Variants in MYO5B observed in about 807,000 individuals in gnomAD.
MYO5B encodes unconventional myosin-Vb.
MYO5B carries 143 observed loss-of-function variants against 229.3 expected under a neutral mutation model. That is an observed-to-expected ratio of 0.62 (90% CI 0.54 to 0.72). MYO5B has a LOEUF of 0.72. MYO5B is among the 30% of genes least tolerant of loss of function. MYO5B has a pLI of 0.00. For missense variants in MYO5B, 2,321 were observed against 2,331.0 expected (o/e 1.00, Z 0.09); for synonymous variants, 918 against 885.2 (o/e 1.04, Z -0.66).
chr18:49,950,240 G>C (rs1442053910), intron 14 of MYO5B, among the ~76,000 whole-genome samples: 1 of 152,280 alleles, frequency 6.6e-6, no homozygotes, highest in East Asian at 1.9e-4. Flanking sequence ...GGACAGGGGT[G>C]GCAAAAAGGT....
chr18:50,047,475 C>G (rs1954321825), intron 2 of MYO5B, among the ~76,000 whole-genome samples: 1 of 152,110 alleles, frequency 6.6e-6, no homozygotes, highest in Admixed American at 6.5e-5. Flanking sequence ...AATAGAAACA[C>G]TTTTACACTG....
intron 4 of MYO5B, among the ~76,000 whole-genome samples, chr18:50,006,839 G>A (rs1468766066): frequency 6.6e-6 from 1 of 152,164 alleles, no homozygotes; most frequent in African/African-American, 2.4e-5. Context: ...AGGGAGCTCT[G>A]TTTTGAGAAA....
intron 22 of MYO5B, among the ~76,000 whole-genome samples, chr18:49,885,654 A>G (rs2024634090): frequency 6.6e-6 from 1 of 152,162 alleles, no homozygotes; most frequent in South Asian, 2.1e-4. Flanking sequence ...CAAGGCACCA[A>G]GAGGTGAGTT....
At chr18:49,964,824 A>C (rs543219967) in intron 10 of MYO5B, among the ~76,000 whole-genome samples, 1 of 152,186 alleles carries the variant, frequency 6.6e-6, no homozygotes, top group African/African-American at 2.4e-5. Context: ...CAATGTGTGC[A>C]ATATGGCCCA....
chr18:50,178,982 A>AG (rs2033035071), intron 1 of MYO5B, among the ~76,000 whole-genome samples: 2 of 152,060 alleles, frequency 1.3e-5, no homozygotes, highest in Admixed American at 6.5e-5. Context: ...AAGCAACTGG[A>AG]GGGGAAAAAA....
chr18:50,133,072 T>G (rs2032278894), intron 1 of MYO5B, among the ~76,000 whole-genome samples: 1 of 152,228 alleles, frequency 6.6e-6, no homozygotes, highest in Non-Finnish European at 1.5e-5. Flanking sequence ...CAGTCTATGC[T>G]GCTGAGGGCA....
chr18:50,044,218 G>T (rs2030155610), intron 2 of MYO5B, among the ~76,000 whole-genome samples: 1 of 152,186 alleles, frequency 6.6e-6, no homozygotes, highest in Non-Finnish European at 1.5e-5. Flanking sequence ...ATTCTTGGAT[G>T]TGTGGACGTC....
chr18:50,140,188 A>T (rs1385080654), intron 1 of MYO5B, among the ~76,000 whole-genome samples: 1 of 152,260 alleles, frequency 6.6e-6, no homozygotes, highest in East Asian at 1.9e-4. Context: ...TTGGTTCTAG[A>T]TACCACATCT....
chr18:50,003,061 C>T (rs1344344896), intron 4 of MYO5B, among the ~76,000 whole-genome samples: 8 of 152,174 alleles, frequency 5.3e-5, no homozygotes, highest in South Asian at 2.1e-4. Context: ...CAATTAGAGA[C>T]GGCCTAGACA....
intron 27 of MYO5B, among the ~76,000 whole-genome samples, chr18:49,870,035 G>A (rs2024440063): frequency 6.6e-6 from 1 of 152,256 alleles, no homozygotes; most frequent in South Asian, 2.1e-4. Context: ...AGGTTAGCAT[G>A]CAGAAGTCCC....
At chr18:50,035,398 G>T (rs1213684198) in intron 4 of MYO5B, among the ~76,000 whole-genome samples, 1 of 152,194 alleles carries the variant, frequency 6.6e-6, no homozygotes, top group East Asian at 1.9e-4. Context: ...GAACCATAAA[G>T]AAACCATCTT....
At chr18:50,143,057 T>C (rs2032442257) in intron 1 of MYO5B, among the ~76,000 whole-genome samples, 1 of 152,238 alleles carries the variant, frequency 6.6e-6, no homozygotes, top group Non-Finnish European at 1.5e-5. Context: ...ATGTGGTAAT[T>C]ACATTGTCAA....
chr18:49,990,596 G>A (rs1032772307), intron 6 of MYO5B, 76 bp from the exon 7 acceptor site: 1 of 1,262,224 alleles, frequency 7.9e-7, no homozygotes, highest in African/African-American at 1.5e-5. Context: ...TAATCCCAGG[G>A]TGCTCCAGGT....
chr18:50,171,921 T>A (rs1342066221), intron 1 of MYO5B, among the ~76,000 whole-genome samples: 1 of 129,810 alleles, frequency 7.7e-6, no homozygotes, highest in Admixed American at 8.2e-5. Context: ...TCTGCAGCAA[T>A]GGATCTTCTT....
chr18:50,094,609 C>T (rs1305203031), intron 1 of MYO5B, among the ~76,000 whole-genome samples: 1 of 152,070 alleles, frequency 6.6e-6, no homozygotes, highest in Admixed American at 6.5e-5. Context: ...CACTGCTGCC[C>T]CATGGGAACA....
rs1256744000 is a variant in MYO5B at position 50,130,093 on chromosome 18, T to G, written c.27+64674A>C. On this transcript the variant is annotated intron_variant, in intron 1 of 39. Coordinates refer to ENST00000285039, the MANE Select transcript of MYO5B (RefSeq NM_001080467.3). The stretch of plus-strand genomic sequence containing the variant: ...AGCTCCTCAAAAACAGAAACATTGA[T>G]GCAACCACAGCAAGGCTGAGTGCCA... 3.9e-5 allele frequency among the ~76,000 whole-genome samples: 6 copies of G among 152,322 alleles called. No homozygotes were observed. The East Asian group carries it at 9.7e-4, about 25-fold the overall frequency.
intron 36 of MYO5B, among the ~76,000 whole-genome samples, chr18:49,838,877 A>G (rs1163917929): frequency 6.6e-6 from 1 of 152,216 alleles, no homozygotes; most frequent in Non-Finnish European, 1.5e-5. Context: ...TACATTTATT[A>G]TGTATTAAAA....
intron 27 of MYO5B, 120 bp downstream of exon 27, chr18:49,872,047 T>C: frequency 2.1e-6 from 2 of 937,686 alleles, no homozygotes; most frequent in Non-Finnish European, 3.5e-6. Context: ...GGAAGCTACC[T>C]GCTTACTGCT....
intron 10 of MYO5B, among the ~76,000 whole-genome samples, chr18:49,973,995 T>C (rs1420891066): frequency 1.3e-5 from 2 of 152,166 alleles, no homozygotes; most frequent in African/African-American, 2.4e-5. Context: ...GAATTTAAGT[T>C]CCATTTCTCA....
Sources: allele counts gnomAD v4.1 joint callset (sites outside exome capture counted in the v4.1 genomes callset), GRCh38; gene constraint gnomAD v4.1.1; transcripts MANE v1.5; gene names NCBI Gene and HGNC (gene_info 2026-07-23, HGNC 2026-07-21).